Variants in RABEP1 observed in about 807,000 individuals in gnomAD.
RABEP1 encodes rab GTPase-binding effector protein 1.
RABEP1 carries 51 observed loss-of-function variants against 123.4 expected under a neutral mutation model. That is an observed-to-expected ratio of 0.41 (90% confidence interval 0.33 to 0.52). The LOEUF (loss-of-function observed/expected upper bound fraction) is 0.52, where lower values mean the gene tolerates loss of function less well. Ranked by LOEUF, RABEP1 falls within the 20% of genes least tolerant of loss-of-function variation. The probability of loss-of-function intolerance (pLI) is 0.16; values close to 1 mark genes in which losing one functional copy is unlikely to be tolerated. For synonymous variants in RABEP1, 347 were observed against 355.2 expected (o/e 0.98, Z 0.26); for missense variants, 888 against 996.3 (o/e 0.89, Z 1.46).
At chr17:5,327,680 T>C (rs1413410421) in intron 2 of RABEP1, among the ~76,000 whole-genome samples, 2 of 152,156 alleles carry the variant, frequency 1.3e-5, no homozygotes, top group Non-Finnish European at 2.9e-5. Flanking sequence ...TGGTATCTGG[T>C]AGGGCAAATT....
chr17:5,339,906 G>A (rs75262874), intron 5 of RABEP1, among the ~76,000 whole-genome samples: 20,673 of 151,988 alleles, frequency 0.14, 1,458 homozygotes, highest in East Asian at 0.18. Context: ...CACAAAGATA[G>A]GATAAGGGGG....
intron 2 of RABEP1, among the ~76,000 whole-genome samples, chr17:5,310,355 C>T (rs188335815): frequency 6.9e-5 from 10 of 144,470 alleles, no homozygotes; most frequent in South Asian, 2.2e-4. Flanking sequence ...TCCCCTGTCA[C>T]GCAGGCTGGA....
chr17:5,369,794 G>A (rs1009388057), intron 12 of RABEP1, among the ~76,000 whole-genome samples: 1 of 151,634 alleles, frequency 6.6e-6, no homozygotes, highest in South Asian at 2.1e-4. Context: ...TCCTCCTCCT[G>A]GGTTCAAGTG....
chr17:5,320,797 A>G (rs2075348173), intron 2 of RABEP1, among the ~76,000 whole-genome samples: 2 of 152,248 alleles, frequency 1.3e-5, no homozygotes, highest in Admixed American at 6.5e-5. Context: ...ATAAAAAGCA[A>G]TGAATTAAGA....
Position 5,290,917 on chromosome 17 carries a change from C to T in RABEP1, c.34+8397C>T, listed in dbSNP as rs529379802. Among the ~76,000 whole-genome samples the T allele has an allele frequency of 3.3e-5, 5 of 152,168 alleles. No homozygotes were observed. In the South Asian group the frequency reaches 1.0e-3, roughly 32 times the overall value. On this transcript the variant is annotated intron_variant, in intron 1 of 17. Transcript: ENST00000537505. ...GATGCATTAATTATATTTTTTAATC[C>T]TTCTGATTCTTTAAAGGTAGTATTA...
chr17:5,363,073 A>G, intron 10 of RABEP1, 57 bp downstream of exon 10: 1 of 1,302,456 alleles, frequency 7.7e-7, no homozygotes, highest in Non-Finnish European at 1.1e-6. Context: ...GGAGGTGCAG[A>G]ATTAATTGCC....
intron 1 of RABEP1, among the ~76,000 whole-genome samples, chr17:5,300,505 CTCTT>C (rs779946455): frequency 1.1e-4 from 17 of 152,174 alleles, no homozygotes; most frequent in African/African-American, 3.6e-4. Flanking sequence ...AAGTTTCTCT[CTCTT>C]TCTTGGGGTG....
At chr17:5,346,745 A>G (rs1351399853) in intron 5 of RABEP1, 45 bp from the exon 6 acceptor site, 1 of 1,444,770 alleles carries the variant, frequency 6.9e-7, no homozygotes, top group Non-Finnish European at 9.2e-7. Flanking sequence ...TCTAAGATAG[A>G]AACTGTTGTA....
Position 5,304,315 on chromosome 17 carries a change from C to T in RABEP1, c.35-4379C>T, listed in dbSNP as rs113111838. Among the ~76,000 whole-genome samples, 159 of 152,206 alleles carry T rather than the reference C, an allele frequency of 1.0e-3. 2 individuals are homozygous for T. Among genetic ancestry groups the T allele is most frequent in the East Asian group, 9.6e-3 (50 of 5,184 alleles). On this transcript the variant is annotated intron_variant, in intron 1 of 17. Transcript: ENST00000537505. ...CATTGCATGGCTGGATGTGGTGGCTCACACCGGTAATCCTAGCACTTTGGA... is the reference window on the plus strand; with the variant it reads ...CATTGCATGGCTGGATGTGGTGGCTTACACCGGTAATCCTAGCACTTTGGA...
At chr17:5,334,209 T>TTTTC (rs1906835590) in intron 3 of RABEP1, among the ~76,000 whole-genome samples, 1 of 151,502 alleles carries the variant, frequency 6.6e-6, no homozygotes, top group Admixed American at 6.6e-5. Flanking sequence ...TAATCTTTTC[T>TTTTC]TTTTTTTCCC....
At chr17:5,316,969 A>G (rs2075304393) in intron 2 of RABEP1, among the ~76,000 whole-genome samples, 1 of 151,726 alleles carries the variant, frequency 6.6e-6, no homozygotes, top group Non-Finnish European at 1.5e-5. Flanking sequence ...CTGTGGCACT[A>G]TGTCGGCTGA....
At chr17:5,316,884 T>C (rs2075303329) in intron 2 of RABEP1, among the ~76,000 whole-genome samples, 1 of 149,724 alleles carries the variant, frequency 6.7e-6, no homozygotes, top group Non-Finnish European at 1.5e-5. Flanking sequence ...AATACAGAAA[T>C]TGATAAATTT....
intron 1 of RABEP1, among the ~76,000 whole-genome samples, chr17:5,294,418 T>A (rs2075061138): frequency 6.6e-6 from 1 of 151,742 alleles, no homozygotes; most frequent in South Asian, 2.1e-4. Context: ...GAATACAAAT[T>A]AAAAAATGCA....
intron 13 of RABEP1, among the ~76,000 whole-genome samples, chr17:5,375,273 T>C (rs1050594878): frequency 7.2e-5 from 11 of 152,212 alleles, no homozygotes; most frequent in Non-Finnish European, 2.9e-5. Flanking sequence ...ACCAGTTGCC[T>C]ATCTTGCCAT....
chr17:5,283,449 A>T (rs910913330), intron 1 of RABEP1, among the ~76,000 whole-genome samples: 11 of 152,172 alleles, frequency 7.2e-5, no homozygotes, highest in Admixed American at 4.6e-4. Context: ...TCACAGATTG[A>T]CTACATGGTT....
At chr17:5,319,907 C>T (rs993512882) in intron 2 of RABEP1, among the ~76,000 whole-genome samples, 2 of 152,062 alleles carry the variant, frequency 1.3e-5, no homozygotes, top group African/African-American at 4.8e-5. Flanking sequence ...AAGACCAAAT[C>T]TAAGAATTGT....
intron 7 of RABEP1, 45 bp downstream of exon 7, chr17:5,350,674 C>G (rs1174954765): frequency 2.5e-6 from 4 of 1,589,552 alleles, no homozygotes; most frequent in Non-Finnish European, 3.4e-6. Context: ...CAGTAATGTC[C>G]CCCACCACAT....
chr17:5,307,096 A>T (rs549437749), intron 1 of RABEP1, among the ~76,000 whole-genome samples: 181 of 152,268 alleles, frequency 1.2e-3, no homozygotes, highest in African/African-American at 3.9e-3. Flanking sequence ...AGGTGGGTGG[A>T]TCATTTGAGG....
intron 13 of RABEP1, among the ~76,000 whole-genome samples, 192 bp from the exon 14 acceptor site, chr17:5,376,924 T>C (rs1007509857): frequency 2.0e-5 from 3 of 152,204 alleles, no homozygotes; most frequent in Non-Finnish European, 4.4e-5. Flanking sequence ...TGGCCAGAAA[T>C]GTCTTTTCTA....
Sources: gnomAD v4.1 joint callset for allele counts (sites outside exome capture counted in the v4.1 genomes callset) on GRCh38, gnomAD v4.1.1 for gene constraint, MANE v1.5 for transcripts, NCBI Gene and HGNC (gene_info 2026-07-23, HGNC 2026-07-21) for gene names.